SLC1A2: variants seen among roughly 807,000 people sequenced by gnomAD.
SLC1A2 encodes excitatory amino acid transporter 2.
A neutral mutation model predicts 48.8 loss-of-function variants in SLC1A2; 15 were observed. The ratio of observed to expected loss-of-function variants is 0.31; its 90% CI spans 0.21 to 0.47. The LOEUF is 0.47. SLC1A2 is among the 20% of genes least tolerant of loss of function. SLC1A2 has a pLI of 0.99. For synonymous variants in SLC1A2, 279 were observed against 272.6 expected (o/e 1.02, Z -0.23); for missense variants, 502 against 730.5 (o/e 0.69, Z 3.61).
chr11:35,363,083 C>T lies in SLC1A2; in HGVS notation c.18-45567G>A, dbSNP rs576065232. Among the ~76,000 whole-genome samples the T allele has an allele frequency of 2.6e-5, 4 of 152,290 alleles. No homozygotes were observed. The South Asian group carries it at 8.3e-4, about 32-fold the overall frequency. Reference sequence around the variant, plus strand: ...CAGGTCAGCGGCAGACCCTCAAAGTCGGACTCCTGAGCCAATGCATGTTAC... The same window carrying T: ...CAGGTCAGCGGCAGACCCTCAAAGTTGGACTCCTGAGCCAATGCATGTTAC... On this transcript the variant is annotated intron_variant, in intron 1 of 10. Transcript: ENST00000278379.
chr11:35,268,035 T>C (rs116007916), intron 9 of SLC1A2, among the ~76,000 whole-genome samples: 1 of 152,326 alleles, frequency 6.6e-6, no homozygotes, highest in African/African-American at 2.4e-5. Context: ...CCCCTTTAAA[T>C]ATGGAAGCCC....
intron 1 of SLC1A2, chr11:35,418,328 C>T (rs769538618): frequency 1.3e-5 from 2 of 152,342 alleles, no homozygotes; most frequent in African/African-American, 2.4e-5. Flanking sequence ...TCTGGCGACT[C>T]CTGCCCTTGT....
chr11:35,284,949 C>T (rs1850764222), intron 8 of SLC1A2, among the ~76,000 whole-genome samples: 1 of 152,168 alleles, frequency 6.6e-6, no homozygotes, highest in Non-Finnish European at 1.5e-5. Flanking sequence ...CCTTAGCCCA[C>T]TAAAGGCCTA....
chr11:35,373,854 G>C (rs1017180158), intron 1 of SLC1A2, among the ~76,000 whole-genome samples: 7 of 152,196 alleles, frequency 4.6e-5, no homozygotes, highest in African/African-American at 9.7e-5. Context: ...CAAGTTCAAA[G>C]TATTAACTCT....
At chr11:35,325,234 C>T (rs575427759) in intron 1 of SLC1A2, among the ~76,000 whole-genome samples, 1 of 152,328 alleles carries the variant, frequency 6.6e-6, no homozygotes, top group African/African-American at 2.4e-5. Context: ...CCCTCCAACC[C>T]AGCCTTCTTA....
chr11:35,350,383 A>T (rs1294731368), intron 1 of SLC1A2, among the ~76,000 whole-genome samples: 1 of 152,226 alleles, frequency 6.6e-6, no homozygotes, highest in Admixed American at 6.5e-5. Flanking sequence ...TCCAGCATGG[A>T]GCTAGGCATT....
intron 1 of SLC1A2, among the ~76,000 whole-genome samples, chr11:35,399,230 C>T (rs1489259884): frequency 6.6e-6 from 1 of 152,124 alleles, no homozygotes; most frequent in African/African-American, 2.4e-5. Context: ...CCAATTTAGT[C>T]CCTCTTTATC....
chr11:35,335,369 C>G (rs770416994), intron 1 of SLC1A2, among the ~76,000 whole-genome samples: 2 of 152,180 alleles, frequency 1.3e-5, no homozygotes, highest in Non-Finnish European at 2.9e-5. Flanking sequence ...TTCTTTCAAA[C>G]TTCAGCCATA....
intron 1 of SLC1A2, among the ~76,000 whole-genome samples, chr11:35,363,751 C>G (rs1239813605): frequency 2.6e-5 from 4 of 152,174 alleles, no homozygotes; most frequent in Non-Finnish European, 5.9e-5. Flanking sequence ...GAGCTAGGAC[C>G]TGAGCCAAAG....
chr11:35,301,697 T>C (rs563689442), intron 5 of SLC1A2, 52 bp from the exon 6 acceptor site: 5 of 1,573,464 alleles, frequency 3.2e-6, no homozygotes, highest in African/African-American at 2.7e-5. Flanking sequence ...AAATGTACTT[T>C]TTCTCCCTCA....
chr11:35,412,431 T>C (rs982153892), intron 1 of SLC1A2, among the ~76,000 whole-genome samples: 77 of 152,320 alleles, frequency 5.1e-4, no homozygotes, highest in Non-Finnish European at 2.1e-4. Flanking sequence ...GCCATGGGAA[T>C]TGGGATTCCC....
chr11:35,305,021 T>A lies in SLC1A2; in HGVS notation c.730+1053A>T, dbSNP rs529261483. On this transcript the variant is annotated intron_variant, in intron 5 of 10. Coordinates refer to ENST00000278379, the MANE Select transcript of SLC1A2 (RefSeq NM_004171.4). ...TCTAAGTAGCTGTCATCCAAACCTT[T>A]AGAAATTGTGCTTGGATAAATAAAC... 9.2e-5 allele frequency among the ~76,000 whole-genome samples: 14 copies of A among 152,328 alleles called. No individual in the cohort carries two copies. In the South Asian group the frequency reaches 2.7e-3, roughly 29 times the overall value.
At chr11:35,309,516 G>C (rs1230027348) in intron 4 of SLC1A2, among the ~76,000 whole-genome samples, 1 of 152,184 alleles carries the variant, frequency 6.6e-6, no homozygotes, top group Non-Finnish European at 1.5e-5. Context: ...AAGCAAGCTG[G>C]AGACCTCTCT....
At position 35,323,953 on chromosome 11, in the gene SLC1A2, C is replaced by T. The variant is rs150405876; in HGVS notation, c.18-6437G>A. 7.9e-5 allele frequency among the ~76,000 whole-genome samples: 12 copies of T among 152,320 alleles called. No individual in the cohort carries two copies. The East Asian group carries it at 2.1e-3, about 27-fold the overall frequency. The stretch of plus-strand genomic sequence containing the variant: ...TGGGCAGGTCAATGCCTTGGGAACA[C>T]AGTCAAACAGGTAAACTGGCATTGG... On this transcript the variant is annotated intron_variant, in intron 1 of 10. Coordinates refer to ENST00000278379, the MANE Select transcript of SLC1A2 (RefSeq NM_004171.4).
rs1291794767 is a variant in SLC1A2 at position 35,253,447 on chromosome 11, C to T, written c.*7447G>A. The T allele has an allele frequency of 6.6e-6, 1 of 152,568 alleles. No individual in the cohort carries two copies. The highest frequency in any genetic ancestry group is 1.5e-5 in the Non-Finnish European group (1 of 68,036). 9.5% of individuals were successfully genotyped at this position (152,568 alleles called of 1,614,324 possible). On this transcript the variant is annotated 3_prime_UTR_variant, in exon 11 of 11. Transcript: ENST00000278379. ...CATAAACCTTTAGGAATGTATGAAACATTCTGATCTAGGAATAATCCTACT... is the reference window on the plus strand; with the variant it reads ...CATAAACCTTTAGGAATGTATGAAATATTCTGATCTAGGAATAATCCTACT...
intron 1 of SLC1A2, chr11:35,322,780 G>A (rs1468500337): frequency 2.0e-5 from 15 of 748,060 alleles, no homozygotes; most frequent in South Asian, 4.4e-5. Flanking sequence ...GCATCAGCTC[G>A]AGCACCAAGA....
intron 7 of SLC1A2, among the ~76,000 whole-genome samples, chr11:35,288,309 G>C (rs1426453587): frequency 2.0e-5 from 3 of 152,186 alleles, no homozygotes; most frequent in Non-Finnish European, 4.4e-5. Context: ...CCTCCTTCTT[G>C]GTCTGGGGTA....
chr11:35,340,700 C>T (rs1295100200), intron 1 of SLC1A2, among the ~76,000 whole-genome samples: 1 of 152,164 alleles, frequency 6.6e-6, no homozygotes, highest in Non-Finnish European at 1.5e-5. Flanking sequence ...CCTGGTTCCC[C>T]CCTCCCCTTT....
intron 1 of SLC1A2, among the ~76,000 whole-genome samples, chr11:35,319,828 T>C (rs1852000598): frequency 6.6e-6 from 1 of 152,196 alleles, no homozygotes; most frequent in South Asian, 2.1e-4. Flanking sequence ...CAAAATACTA[T>C]AAACCCACAA....
Sources: allele counts gnomAD v4.1 joint callset (sites outside exome capture counted in the v4.1 genomes callset), GRCh38; gene constraint gnomAD v4.1.1; transcripts MANE v1.5; gene names NCBI Gene and HGNC (gene_info 2026-07-23, HGNC 2026-07-21).